The following KDM2A variants were observed in gnomAD, a reference collection of about 807,000 sequenced individuals.
KDM2A encodes lysine demethylase 2A.
A neutral mutation model predicts 137.3 loss-of-function variants in KDM2A; 3 were observed. The observed-to-expected ratio is 0.02, with a 90% confidence interval of 0.01 to 0.06. The LOEUF (loss-of-function observed/expected upper bound fraction) is 0.06, where lower values mean the gene tolerates loss of function less well. Ranked by LOEUF, KDM2A falls within the 10% of genes least tolerant of loss-of-function variation. The pLI is 1.00. For synonymous variants in KDM2A, 512 were observed against 541.5 expected (o/e 0.95, Z 0.76); for missense variants, 738 against 1,510.6 (o/e 0.49, Z 8.48).
chr11:67,216,562 G>T (rs564415251), intron 8 of KDM2A, among the ~76,000 whole-genome samples: 1 of 152,274 alleles, frequency 6.6e-6, no homozygotes, highest in South Asian at 2.1e-4. Context: ...TCTCTAACTT[G>T]CAGTGAATGC....
At chr11:67,170,431 G>A (rs1471823615) in intron 2 of KDM2A, among the ~76,000 whole-genome samples, 5 of 6,878 alleles carry the variant, frequency 7.3e-4, no homozygotes, top group Non-Finnish European at 1.4e-3. Context: ...TTTTTTTTTT[G>A]AGATGGAGTC....
chr11:67,229,700 C>T (rs1315511782), intron 11 of KDM2A, among the ~76,000 whole-genome samples: 1 of 151,144 alleles, frequency 6.6e-6, no homozygotes, highest in Non-Finnish European at 1.5e-5. Flanking sequence ...GAAACCCTGT[C>T]TCTACTAAAA....
intron 2 of KDM2A, among the ~76,000 whole-genome samples, chr11:67,144,229 G>C (rs1856191526): frequency 6.7e-6 from 1 of 150,232 alleles, no homozygotes; most frequent in Admixed American, 6.7e-5. Context: ...GTGAGCCATT[G>C]TACCTGGCCC....
rs1395439124 is a variant in KDM2A, at chr11:67,256,161, T to G, written c.*1106T>G. ...CTCTGCCTGCAGCCATGGAAGGGGG[T>G]GTGCACGTGCCTCTGTGTGTGTGGC... On this transcript the variant is annotated 3_prime_UTR_variant, in exon 21 of 21. Coordinates refer to ENST00000529006, the MANE Select transcript of KDM2A (RefSeq NM_012308.3). The G allele has an allele frequency of 4.6e-5, 7 of 151,760 alleles. No individual in the cohort carries two copies. The highest frequency in any genetic ancestry group is 1.7e-4 in the African/African-American group (7 of 40,640). 9.4% of individuals were successfully genotyped at this position (151,760 alleles called of 1,614,324 possible). A position where few individuals can be genotyped will look rare whatever the true frequency, so the allele number is the denominator to read the frequency against.
chr11:67,250,075 C>A lies in KDM2A; in HGVS notation c.2056-11C>A. The A allele has an allele frequency of 6.4e-7, 1 of 1,566,362 alleles. No individual in the cohort carries two copies. Among genetic ancestry groups the A allele is most frequent in the Admixed American group, 1.9e-5 (1 of 53,260 alleles). On this transcript the variant is annotated splice_polypyrimidine_tract_variant and intron_variant, in intron 16 of 20. Transcript: ENST00000529006. The surrounding 1 kb of genome is among the most constrained non-coding windows in gnomAD (Gnocchi z 7.1). ...AAGCACTGATGTTGCTTTTCTGGGC[C>A]TGTTTTGCAGAAGCGGAAAATGGAA... is the stretch of plus-strand genomic sequence containing the variant.
intron 2 of KDM2A, among the ~76,000 whole-genome samples, chr11:67,152,607 C>G (rs1325193298): frequency 6.7e-5 from 9 of 134,640 alleles, no homozygotes; most frequent in African/African-American, 1.9e-4. Context: ...GACCCTGTTA[C>G]AAAAAAAAAA....
At chr11:67,212,307 G>A (rs1292681636) in intron 6 of KDM2A, among the ~76,000 whole-genome samples, 1 of 152,254 alleles carries the variant, frequency 6.6e-6, no homozygotes, top group East Asian at 1.9e-4. Flanking sequence ...AGAAGGAATA[G>A]CATTTGTAAA....
At chr11:67,147,867 C>T (rs941383500) in intron 2 of KDM2A, among the ~76,000 whole-genome samples, 1 of 151,752 alleles carries the variant, frequency 6.6e-6, no homozygotes, top group African/African-American at 2.4e-5. Flanking sequence ...TTAGTAGAGA[C>T]GAGGTTTTAC....
chr11:67,131,685 T>G (rs748095171), intron 2 of KDM2A, among the ~76,000 whole-genome samples: 1 of 152,150 alleles, frequency 6.6e-6, no homozygotes, highest in Non-Finnish European at 1.5e-5. Flanking sequence ...ATGCTGAGAT[T>G]ACAGGCATGA....
intron 3 of KDM2A, 67 bp downstream of exon 3, chr11:67,180,284 G>A (rs774206635): frequency 1.5e-4 from 227 of 1,505,786 alleles, no homozygotes; most frequent in Non-Finnish European, 1.9e-4. Flanking sequence ...TGAGCATTGG[G>A]GGTTTAGCCT....
Position 67,254,374 on chromosome 11 carries a change from T to C in KDM2A, c.3263T>C (p.Val1088Ala). 1 of 1,614,030 alleles carries C rather than the reference T, an allele frequency of 6.2e-7. No individual in the cohort carries two copies. Among genetic ancestry groups the C allele is most frequent in the Non-Finnish European group, 8.5e-7 (1 of 1,179,896 alleles). Reference protein sequence around the residue: ...TDQSSNLLTAVGSSTRYSLTE... With the variant: ...TDQSSNLLTAAGSSTRYSLTE... ...CAGTCCTCCAATCTACTCACTGCTGTCGGGTCTTCCACTCGCTACTCTCTC... is the reference window on the plus strand; with the variant it reads ...CAGTCCTCCAATCTACTCACTGCTGCCGGGTCTTCCACTCGCTACTCTCTC... Residue 1088 changes from valine to alanine, a missense_variant, in exon 20 of 21, where the codon GTC (valine) becomes GCC (alanine). This residue lies in a region of KDM2A where 166 missense variants were observed against 324.0 expected (regional missense o/e 0.51). Coordinates refer to ENST00000529006, the MANE Select transcript of KDM2A (RefSeq NM_012308.3). The surrounding 1 kb of genome is among the most constrained non-coding windows in gnomAD (Gnocchi z 4.7).
At chr11:67,209,244 T>G (rs1857904901) in intron 6 of KDM2A, among the ~76,000 whole-genome samples, 1 of 151,892 alleles carries the variant, frequency 6.6e-6, no homozygotes, top group Admixed American at 6.6e-5. Flanking sequence ...AAAGGAACTA[T>G]TTTTGTATTA....
At chr11:67,197,501 T>G (rs1245721557) in intron 5 of KDM2A, among the ~76,000 whole-genome samples, 1 of 152,188 alleles carries the variant, frequency 6.6e-6, no homozygotes, top group African/African-American at 2.4e-5. Flanking sequence ...CTATCCAGGT[T>G]TTTTAAAGTC....
chr11:67,125,607 A>G (rs1855702760), intron 2 of KDM2A, among the ~76,000 whole-genome samples: 3 of 151,718 alleles, frequency 2.0e-5, no homozygotes, highest in Non-Finnish European at 2.9e-5. Context: ...TCCCATCTCT[A>G]CTAAAAATAC....
Position 67,250,562 on chromosome 11 carries a change from C to T in KDM2A, c.2532C>T (p.Thr844=), listed in dbSNP as rs1247666857. Residue 844 remains threonine (T), a synonymous_variant, in exon 17 of 21, where the codon ACC becomes ACT. Transcript: ENST00000529006. This position sits in a 1 kb window ranked among gnomAD's most constrained non-coding sequence, Gnocchi z 7.1. ...TAGTGCAGCACTGCCCAGCCCGAACCCCCCAGCGTGGGGATGAGGAGGGGC... is the reference window on the plus strand; with the variant it reads ...TAGTGCAGCACTGCCCAGCCCGAACTCCCCAGCGTGGGGATGAGGAGGGGC... ...RVLVQHCPAR[T]PQRGDEEGLG... 6 of 1,613,724 alleles carry T rather than the reference C, an allele frequency of 3.7e-6. No homozygotes were observed. Among genetic ancestry groups the T allele is most frequent in the African/African-American group, 1.3e-5 (1 of 75,030 alleles).
At chr11:67,235,409 A>G (rs1419219911) in intron 12 of KDM2A, among the ~76,000 whole-genome samples, 6 of 151,052 alleles carry the variant, frequency 4.0e-5, no homozygotes, top group Non-Finnish European at 7.4e-5. Flanking sequence ...GGTTCAAGCA[A>G]TTCTCCTGCC....
Position 67,250,687 on chromosome 11 carries a change from AG to A in KDM2A, c.2659del (p.Asp887MetfsTer49). ...ARLNGRGSWAQDGDESWMQRE... is the reference protein window; with the variant it reads ...ARLNGRGSWAXDGDESWMQRE... ...CTGAATGGCCGGGGCAGTTGGGCTC[AG>A]GATGGAGACGAAAGCTGGATGCAGC... On this transcript the variant is annotated frameshift_variant, in exon 17 of 21. Coordinates refer to ENST00000529006, the MANE Select transcript of KDM2A (RefSeq NM_012308.3). LOFTEE classifies it high-confidence loss of function. This position sits in a 1 kb window ranked among gnomAD's most constrained non-coding sequence, Gnocchi z 7.1. The A allele has an allele frequency of 6.3e-7, 1 of 1,599,810 alleles. No homozygotes were observed. Among genetic ancestry groups the A allele is most frequent in the South Asian group, 1.1e-5 (1 of 88,838 alleles).
chr11:67,221,401 A>T (rs552897619), intron 10 of KDM2A, among the ~76,000 whole-genome samples: 70 of 152,370 alleles, frequency 4.6e-4, no homozygotes, highest in Admixed American at 3.1e-3. Context: ...TAAAAATTTT[A>T]AAATAACAAT....
At chr11:67,215,297 A>C in intron 6 of KDM2A, 43 bp from the exon 7 acceptor site, 1 of 1,330,908 alleles carries the variant, frequency 7.5e-7, no homozygotes, top group South Asian at 1.3e-5. Context: ...TTTGACCCCA[A>C]CCTTTCCCTT....
Sources: gnomAD v4.1 joint callset for allele counts (sites outside exome capture counted in the v4.1 genomes callset) on GRCh38, gnomAD v4.1.1 for gene constraint, gnomAD v4.1.1 regional missense constraint, Gnocchi (gnomAD v3.1) non-coding constraint, MANE v1.5 for transcripts, NCBI Gene and HGNC (gene_info 2026-07-23, HGNC 2026-07-21) for gene names.